The following GRIN1 variants were observed in gnomAD, a reference collection of about 807,000 sequenced individuals.
GRIN1 encodes glutamate ionotropic receptor NMDA type subunit 1, also known as glutamate receptor ionotropic, NMDA 1.
GRIN1 carries 38 observed loss-of-function variants against 103.0 expected under a neutral mutation model. That is an observed-to-expected ratio of 0.37 (90% CI 0.28 to 0.48). The LOEUF (loss-of-function observed/expected upper bound fraction) is 0.48, where lower values mean the gene tolerates loss of function less well. GRIN1 is among the 20% of genes least tolerant of loss of function. GRIN1 has a pLI of 0.98. For missense variants in GRIN1, 577 were observed against 1,288.9 expected (o/e 0.45, Z 8.46); for synonymous variants, 544 against 532.7 (o/e 1.02, Z -0.29).
intron 4 of GRIN1, 38 bp from the exon 5 acceptor site, chr9:137,156,631 G>A (rs1388598552): frequency 3.1e-6 from 5 of 1,591,286 alleles, no homozygotes; most frequent in Non-Finnish European, 4.3e-6. Flanking sequence ...CGGTGGGAGT[G>A]CTGGAGTCCT....
intron 15 of GRIN1, 53 bp downstream of exon 15, chr9:137,163,056 G>A: frequency 1.3e-6 from 2 of 1,558,724 alleles, no homozygotes; most frequent in East Asian, 2.4e-5. Context: ...GGGAGGGGGA[G>A]GGTGGCCTCC....
chr9:137,158,819 G>A, intron 8 of GRIN1, 115 bp downstream of exon 8: 1 of 786,626 alleles, frequency 1.3e-6, no homozygotes, highest in Non-Finnish European at 2.2e-6. Context: ...AGGAAGTGGG[G>A]GTGGGGCCTG....
Position 137,167,580 on chromosome 9 carries a change from G to T in GRIN1, c.*53G>T. 1 of 1,385,774 alleles carries T rather than the reference G, an allele frequency of 7.2e-7. No individual in the cohort carries two copies. Among genetic ancestry groups the T allele is most frequent in the Non-Finnish European group, 9.6e-7 (1 of 1,043,286 alleles). 85.8% of individuals were successfully genotyped at this position (1,385,774 alleles called of 1,614,324 possible). On this transcript the variant is annotated 3_prime_UTR_variant, in exon 20 of 20. Transcript: ENST00000371561. ...CTCCCCCGCAGACAGACAGACAGACGGACGGGACAGCGGCCCGGCCCACGC... is the reference window on the plus strand; with the variant it reads ...CTCCCCCGCAGACAGACAGACAGACTGACGGGACAGCGGCCCGGCCCACGC...
chr9:137,167,796 C>G lies in GRIN1; in HGVS notation c.*269C>G. ...CAGCAGTACCATCCCACTGATATCA[C>G]GGGCCCGCTCAACCTCTCAGATCCC... On this transcript the variant is annotated 3_prime_UTR_variant, in exon 20 of 20. Coordinates refer to ENST00000371561, the MANE Select transcript of GRIN1 (RefSeq NM_007327.4). The G allele has an allele frequency of 6.2e-7, 1 of 1,612,192 alleles. No individual in the cohort carries two copies. The highest frequency in any genetic ancestry group is 1.1e-5 in the South Asian group (1 of 91,088).
intron 3 of GRIN1, among the ~76,000 whole-genome samples, chr9:137,147,180 T>G (rs1452228759): frequency 1.3e-5 from 2 of 151,898 alleles, no homozygotes; most frequent in Non-Finnish European, 2.9e-5. Flanking sequence ...CACAGGTGCA[T>G]GCACACATTC....
intron 6 of GRIN1, 78 bp downstream of exon 6, chr9:137,157,115 C>G: frequency 2.1e-6 from 1 of 482,118 alleles, no homozygotes; most frequent in Non-Finnish European, 3.2e-6. Flanking sequence ...TGGGCGGGGC[C>G]GCTCTTGGGG....
intron 6 of GRIN1, 93 bp from the exon 7 acceptor site, chr9:137,158,273 AGAAGGAGCAGGGG>A (rs974520798): frequency 2.1e-4 from 265 of 1,253,220 alleles, no homozygotes; most frequent in Non-Finnish European, 3.0e-4. Context: ...AGGAGCAGGG[AGAAGGAGCAGGGG>A]GAAGGAGCAG....
chr9:137,144,374 G>A (rs1317110197), intron 2 of GRIN1, among the ~76,000 whole-genome samples: 1 of 151,270 alleles, frequency 6.6e-6, no homozygotes, highest in Non-Finnish European at 1.5e-5. Context: ...CCCCAGGTTG[G>A]CCGGGCGCGG....
intron 19 of GRIN1, among the ~76,000 whole-genome samples, chr9:137,166,837 G>C (rs577605263): frequency 7.2e-5 from 11 of 152,366 alleles, no homozygotes; most frequent in African/African-American, 2.6e-4. Context: ...ATAGCGCAGG[G>C]ATCGTGGGCT....
chr9:137,150,811 C>T (rs1832818914), intron 4 of GRIN1, among the ~76,000 whole-genome samples: 3 of 148,694 alleles, frequency 2.0e-5, no homozygotes, highest in Admixed American at 2.0e-4. Flanking sequence ...AGGGAAAGCC[C>T]CGCCCAGAAA....
chr9:137,166,810 G>A (rs1833902303), intron 19 of GRIN1, among the ~76,000 whole-genome samples: 1 of 152,250 alleles, frequency 6.6e-6, no homozygotes, highest in Non-Finnish European at 1.5e-5. Context: ...GAGTCCCGCA[G>A]GGAACAGGGA....
chr9:137,153,110 C>G (rs1243058509), intron 4 of GRIN1, among the ~76,000 whole-genome samples: 2 of 149,102 alleles, frequency 1.3e-5, no homozygotes, highest in Admixed American at 6.7e-5. Context: ...ATGCATACAC[C>G]ACACACACAC....
intron 4 of GRIN1, among the ~76,000 whole-genome samples, chr9:137,152,687 C>G (rs1832975813): frequency 6.6e-6 from 1 of 152,148 alleles, no homozygotes; most frequent in Non-Finnish European, 1.5e-5. Flanking sequence ...AGACATGGCC[C>G]TAAGAAAAAG....
At chr9:137,153,365 C>T (rs1833021738) in intron 4 of GRIN1, among the ~76,000 whole-genome samples, 3 of 152,022 alleles carry the variant, frequency 2.0e-5, no homozygotes, top group Admixed American at 2.0e-4. Flanking sequence ...ATACACAACA[C>T]ATACGCATGT....
rs755327754 is a variant in GRIN1 at position 137,162,620 on chromosome 9, C to T, written c.1894C>T (p.Leu632=). ...GAPRSFSARI[L]GMVWAGFAMI... is the part of the protein sequence containing the mutation. ...CCCCAGAAGCTTCTCAGCGCGCATC[C>T]TGGGCATGGTGTGGGCCGGCTTTGC... The change falls in exon 14 of 20, where the codon CTG becomes TTG. Residue 632 remains leucine, a synonymous_variant. Coordinates refer to ENST00000371561, the MANE Select transcript of GRIN1 (RefSeq NM_007327.4). 2 of 1,612,624 alleles carry T rather than the reference C, an allele frequency of 1.2e-6. No homozygotes were observed. The highest frequency in any genetic ancestry group is 2.7e-5 in the African/African-American group (2 of 74,920).
In GRIN1 at chr9:137,149,088, G is replaced by A. The variant is rs201764643; in HGVS notation, c.650G>A (p.Arg217Gln). The A allele has an allele frequency of 5.6e-6, 9 of 1,611,060 alleles. No individual in the cohort carries two copies. Among genetic ancestry groups the A allele is most frequent in the East Asian group, 2.2e-5 (1 of 44,796 alleles). Residue 217 changes from arginine (R) to glutamine (Q), a missense_variant, in exon 4 of 20, where the codon CGG (arginine) becomes CAG (glutamine). By Grantham distance (43) the Arg-to-Gln change is conservative (BLOSUM62 1). Coordinates refer to ENST00000371561, the MANE Select transcript of GRIN1 (RefSeq NM_007327.4). Reference sequence around the variant, plus strand: ...ATGGAGGCGAAAGAGCTGGAGGCCCGGGTCATCATCCTTTCTGCCAGGTGA... The same window carrying A: ...ATGGAGGCGAAAGAGCTGGAGGCCCAGGTCATCATCCTTTCTGCCAGGTGA... ...LLMEAKELEA[R>Q]VIILSASEDD...
chr9:137,158,940 G>A (rs540451450), intron 8 of GRIN1, among the ~76,000 whole-genome samples: 4 of 152,326 alleles, frequency 2.6e-5, no homozygotes, highest in Non-Finnish European at 4.4e-5. Flanking sequence ...TGCCCCTCTT[G>A]ACCCAGCCCT....
At chr9:137,165,743 C>T (rs1184619849) in intron 19 of GRIN1, among the ~76,000 whole-genome samples, 3 of 152,232 alleles carry the variant, frequency 2.0e-5, no homozygotes, top group Non-Finnish European at 4.4e-5. Flanking sequence ...GCCGCCCTCA[C>T]TTCGCCCCTG....
Position 137,158,686 on chromosome 9 carries a change from G to A in GRIN1, c.1179G>A (p.Gln393=), listed in dbSNP as rs769342069. 5.0e-6 allele frequency: 8 copies of A among 1,612,638 alleles called. No individual in the cohort carries two copies. In the African/African-American group the frequency reaches 6.7e-5, roughly 13 times the overall value. ...AGACAGAGAAGCCTCGAGGGTACCA[G>A]ATGTCCACCAGACTGAAGGTGGGGG... ...GGETEKPRGY[Q]MSTRLKIVTI... Residue 393 remains glutamine (Q), a synonymous_variant, in exon 8 of 20, where the codon CAG becomes CAA. Transcript: ENST00000371561.
Sources: allele counts gnomAD v4.1 joint callset (sites outside exome capture counted in the v4.1 genomes callset), GRCh38; gene constraint gnomAD v4.1.1; transcripts MANE v1.5; gene names NCBI Gene and HGNC (gene_info 2026-07-23, HGNC 2026-07-21).